Variants in KISS1 observed in about 807,000 individuals in gnomAD.
KISS1 encodes the protein metastasis-suppressor KiSS-1.
For missense variants in KISS1, 182 were observed against 182.7 expected (o/e 1.00, Z 0.02); for synonymous variants, 97 against 88.7 (o/e 1.09, Z -0.52).
At chr1:204,194,484 C>T (rs566452453) in intron 1 of KISS1, among the ~76,000 whole-genome samples, 1 of 152,318 alleles carries the variant, frequency 6.6e-6, no homozygotes, top group African/African-American at 2.4e-5. Flanking sequence ...GGAAATCACT[C>T]CTTGAGCACC....
At chr1:204,195,942 A>G (rs1658851016) in intron 1 of KISS1, among the ~76,000 whole-genome samples, 1 of 152,076 alleles carries the variant, frequency 6.6e-6, no homozygotes, top group African/African-American at 2.4e-5. Context: ...AGTGGCCCCT[A>G]GTTCTTAGTG....
chr1:204,193,971 A>G (rs1418791775), intron 1 of KISS1, among the ~76,000 whole-genome samples: 1 of 152,222 alleles, frequency 6.6e-6, no homozygotes, highest in Admixed American at 6.5e-5. Context: ...CCTGACCCAC[A>G]GCCTGGAGCC....
rs1132514 is a variant in KISS1 at position 204,190,410 on chromosome 1, C to G, written c.*74G>C. On this transcript the variant is annotated 3_prime_UTR_variant, in exon 3 of 3. Transcript: ENST00000367194. Reference sequence around the variant, plus strand: ...AGCGCCCCCTCCCTTAGCCCTACGTCCCCGCCCCCCGCCCCCGCCCCGCAT... The same window carrying G: ...AGCGCCCCCTCCCTTAGCCCTACGTGCCCGCCCCCCGCCCCCGCCCCGCAT... The G allele has an allele frequency of 2.5e-4, 109 of 440,100 alleles. 1 individual carries two copies. Among genetic ancestry groups the G allele is most frequent in the East Asian group, 3.8e-4 (8 of 21,212 alleles). The allele number at this position is 440,100 out of a possible 1,614,324, so 27.3% of individuals were successfully genotyped here.
At chr1:204,190,970 G>A (rs554211849) in intron 2 of KISS1, among the ~76,000 whole-genome samples, 173 bp from the exon 3 acceptor site, 1 of 152,148 alleles carries the variant, frequency 6.6e-6, no homozygotes, top group South Asian at 2.1e-4. Flanking sequence ...GGCCCTAGGC[G>A]CCTCCCTCTT....
chr1:204,195,274 A>C, intron 1 of KISS1, among the ~76,000 whole-genome samples: 1 of 602 alleles, frequency 1.7e-3, no homozygotes, highest in Non-Finnish European at 3.4e-3. Flanking sequence ...ACACACACAT[A>C]CACCACACAC....
At position 204,190,702 on chromosome 1, in the gene KISS1, G is replaced by T; in HGVS notation, c.199C>A (p.Arg67=). Residue 67 remains arginine (R), a synonymous_variant, in exon 3 of 3, where the codon CGG becomes AGG. Coordinates refer to ENST00000367194, the MANE Select transcript of KISS1 (RefSeq NM_002256.4). ...GGGGGCGGGGACAGCGAGGTCCCCC[G>T]ACGGCTCAGCCTGGCAGTAGCAGCT... is the stretch of plus-strand genomic sequence containing the variant. ...KPAATARLSR[R]GTSLSPPPES... 6.2e-7 allele frequency: 1 copy of T among 1,604,254 alleles called. No homozygotes were observed. The highest frequency in any genetic ancestry group is 8.5e-7 in the Non-Finnish European group (1 of 1,176,528).
chr1:204,193,296 T>C (rs1046732214), intron 1 of KISS1, among the ~76,000 whole-genome samples: 2 of 152,018 alleles, frequency 1.3e-5, no homozygotes, highest in African/African-American at 4.8e-5. Flanking sequence ...TGGGGTGAGA[T>C]GCCATATATA....
chr1:204,196,308 T>G (rs1658856736), intron 1 of KISS1, 68 bp downstream of exon 1: 1 of 152,286 alleles, frequency 6.6e-6, no homozygotes, highest in South Asian at 2.1e-4. Flanking sequence ...GATTCCCTGC[T>G]CCCCTCCAGA....
At chr1:204,190,860 C>T in intron 2 of KISS1, 63 bp from the exon 3 acceptor site, 1 of 1,356,084 alleles carries the variant, frequency 7.4e-7, no homozygotes, top group Non-Finnish European at 1.0e-6. Context: ...GCAACACCTC[C>T]TGTCATCCCA....
intron 2 of KISS1, among the ~76,000 whole-genome samples, chr1:204,191,159 T>G (rs984392020): frequency 6.6e-6 from 1 of 152,218 alleles, no homozygotes; most frequent in Admixed American, 6.5e-5. Flanking sequence ...AGTGGGGCCA[T>G]GTTAATTCAT....
chr1:204,193,994 G>A (rs1317834121), intron 1 of KISS1, among the ~76,000 whole-genome samples: 1 of 152,202 alleles, frequency 6.6e-6, no homozygotes. Context: ...TCTCCCTGGG[G>A]AAGGGGGACT....
At chr1:204,195,419 CACACACATAT>C (rs1363316256) in intron 1 of KISS1, among the ~76,000 whole-genome samples, 1 of 143,458 alleles carries the variant, frequency 7.0e-6, no homozygotes, top group Non-Finnish European at 1.5e-5. Flanking sequence ...ACACACACCA[CACACACATAT>C]ACACACATAC....
intron 1 of KISS1, among the ~76,000 whole-genome samples, chr1:204,195,556 C>T (rs577395333): frequency 1.3e-5 from 2 of 151,080 alleles, no homozygotes; most frequent in South Asian, 4.2e-4. Flanking sequence ...TACCCATACA[C>T]CCGTACACAT....
intron 1 of KISS1, among the ~76,000 whole-genome samples, chr1:204,194,560 C>T (rs1239986952): frequency 1.3e-5 from 2 of 152,112 alleles, no homozygotes; most frequent in Admixed American, 1.3e-4. Flanking sequence ...AGTTGCTGCC[C>T]CCAAGATCTC....
chr1:204,190,370 C>T lies in KISS1; in HGVS notation c.*114G>A. On this transcript the variant is annotated 3_prime_UTR_variant, in exon 3 of 3. Coordinates refer to ENST00000367194, the MANE Select transcript of KISS1 (RefSeq NM_002256.4). ...TTACGCAACATTTCTTTTATTGCCT[C>T]GGGTTGGAAGCTCCAGCGCCCCCTC... 1.8e-6 allele frequency: 2 copies of T among 1,097,452 alleles called. No individual in the cohort carries two copies. The highest frequency in any genetic ancestry group is 2.7e-6 in the Non-Finnish European group (2 of 750,114). The allele number at this position is 1,097,452 out of a possible 1,614,324, so 68.0% of individuals were successfully genotyped here.
Position 204,190,418 on chromosome 1 carries a change from C to CCCCCCCCCCCCCCCCCCTGCTCTGACT in KISS1, c.*65_*66insAGTCAGAGCAGGGGGGGGGGGGGGGGG. On this transcript the variant is annotated 3_prime_UTR_variant, in exon 3 of 3. Transcript: ENST00000367194. ...CTCCCTTAGCCCTACGTCCCCGCCC[C>CCCCCCCCCCCCCCCCCCTGCTCTGACT]CCGCCCCCGCCCCGCATGCTCTGAC... 1.4e-6 allele frequency: 1 copy of CCCCCCCCCCCCCCCCCCTGCTCTGACT among 692,628 alleles called. No individual in the cohort carries two copies. Among genetic ancestry groups the CCCCCCCCCCCCCCCCCCTGCTCTGACT allele is most frequent in the Admixed American group, 2.2e-5 (1 of 44,960 alleles). The allele number at this position is 692,628 out of a possible 1,614,324, so 42.9% of individuals were successfully genotyped here. A position where few individuals can be genotyped will look rare whatever the true frequency, so the allele number is the denominator to read the frequency against.
intron 2 of KISS1, among the ~76,000 whole-genome samples, chr1:204,191,693 T>C (rs1200267879): frequency 6.6e-6 from 1 of 152,194 alleles, no homozygotes; most frequent in African/African-American, 2.4e-5. Context: ...CCTGGCACAG[T>C]CTGGAAAAGA....
At position 204,190,716 on chromosome 1, in the gene KISS1, G is replaced by A. The variant is rs780611926; in HGVS notation, c.185C>T (p.Ala62Val). ...PCTERKPAAT[A>V]RLSRRGTSLS... ...CGAGGTCCCCCGACGGCTCAGCCTG[G>A]CAGTAGCAGCTGGCTTCCTCTCGGT... is the stretch of plus-strand genomic sequence containing the variant. Residue 62 changes from alanine (A) to valine (V), a missense_variant, in exon 3 of 3, where the codon GCC (alanine) becomes GTC (valine). Ala to Val is a moderately conservative substitution (Grantham distance 64, BLOSUM62 0). Coordinates refer to ENST00000367194, the MANE Select transcript of KISS1 (RefSeq NM_002256.4). 2 of 1,608,438 alleles carry A rather than the reference G, an allele frequency of 1.2e-6. No individual in the cohort carries two copies. The highest frequency in any genetic ancestry group is 1.3e-5 in the African/African-American group (1 of 74,846).
chr1:204,195,151 C>CATG (rs1658813636), intron 1 of KISS1, among the ~76,000 whole-genome samples: 1 of 4,028 alleles, frequency 2.5e-4, no homozygotes, highest in African/African-American at 7.4e-4. Context: ...CACACACCCC[C>CATG]CACACCACAC....
Sources: gnomAD v4.1 joint callset for allele counts (sites outside exome capture counted in the v4.1 genomes callset) on GRCh38, gnomAD v4.1.1 for gene constraint, MANE v1.5 for transcripts, NCBI Gene and HGNC (gene_info 2026-07-23, HGNC 2026-07-21) for gene names.